PTMA: variants seen among roughly 807,000 people sequenced by gnomAD.
The protein encoded by PTMA is gene sequence 28.
In PTMA, 4 loss-of-function variants were observed where a neutral mutation model predicts 16.9. The observed-to-expected ratio is 0.24, with a 90% confidence interval of 0.12 to 0.54. The LOEUF (loss-of-function observed/expected upper bound fraction) is 0.54, where lower values mean the gene tolerates loss of function less well. Among genes scored for constraint, PTMA ranks in the 20% least tolerant of loss-of-function variants. PTMA has a pLI of 0.95. For missense variants in PTMA, 120 were observed against 137.7 expected (o/e 0.87, Z 0.64); for synonymous variants, 58 against 47.9 (o/e 1.21, Z -0.87).
chr2:231,712,321 GC>G, intron 3 of PTMA, 121 bp from the exon 4 acceptor site: 2 of 1,086,372 alleles, frequency 1.8e-6, no homozygotes, highest in Non-Finnish European at 2.7e-6. Context: ...CCCTGATTGG[GC>G]CCAGTTGCAG....
chr2:231,711,616 G>A (rs1227479323), intron 2 of PTMA, 197 bp downstream of exon 2: 1 of 733,006 alleles, frequency 1.4e-6, no homozygotes, highest in African/African-American at 1.8e-5. Context: ...TTCGAGCAGC[G>A]CCTGAACAAG....
chr2:231,710,524 C>G (rs1164041678), intron 1 of PTMA: 1 of 828,330 alleles, frequency 1.2e-6, no homozygotes, highest in East Asian at 8.1e-5. Flanking sequence ...CGACAGGTGG[C>G]CCGGAGCCGC....
In PTMA at chr2:231,708,601, C is replaced by T. The variant is rs1431125973; in HGVS notation, c.-106C>T. The T allele has an allele frequency of 2.1e-6, 3 of 1,445,910 alleles. No individual in the cohort carries two copies. Among genetic ancestry groups the T allele is most frequent in the South Asian group, 2.3e-5 (2 of 87,312 alleles). The allele number at this position is 1,445,910 out of a possible 1,614,324, so 89.6% of individuals were successfully genotyped here. On this transcript the variant is annotated 5_prime_UTR_variant, in exon 1 of 5. Coordinates refer to ENST00000409115, the MANE Select transcript of PTMA (RefSeq NM_002823.5). ...CCTTGCTCGCCGCAGCCGCCTCCGC[C>T]GCGCGCCTCCTCCGCCGCCGCGGAC...
Position 231,712,400 on chromosome 2 carries a change from G to T in PTMA, c.212-43G>T, listed in dbSNP as rs2048530167. The T allele has an allele frequency of 4.4e-6, 7 of 1,580,332 alleles. 1 individual carries two copies. The South Asian group carries it at 7.8e-5, about 17-fold the overall frequency. On this transcript the variant is annotated intron_variant, in intron 3 of 4. Transcript: ENST00000409115. ...CCTCGGGATTTCCCCAGGAGCCACA[G>T]TAGGAGGGAAGTGTGGTTTACCTGG...
intron 1 of PTMA, among the ~76,000 whole-genome samples, chr2:231,709,056 GGGA>G (rs1009912692): frequency 6.6e-6 from 1 of 152,280 alleles, no homozygotes; most frequent in African/African-American, 2.4e-5. Flanking sequence ...GAGTGGCGGC[GGGA>G]GGAGAAGAGC....
rs2048547848 is a variant in PTMA, at chr2:231,713,548, T to C, written c.*697T>C. 1.1e-4 allele frequency: 44 copies of C among 413,010 alleles called. No homozygotes were observed. Among genetic ancestry groups the C allele is most frequent in the South Asian group, 8.1e-4 (42 of 52,070 alleles). The allele number at this position is 413,010 out of a possible 1,614,324, so 25.6% of individuals were successfully genotyped here. A position where few individuals can be genotyped will look rare whatever the true frequency, so the allele number is the denominator to read the frequency against. The stretch of plus-strand genomic sequence containing the variant: ...GCTGAGTTGTTCTAACAAAGCTGTC[T>C]CAAGCCTGGTTTTTCTGTTTCAGTT... On this transcript the variant is annotated 3_prime_UTR_variant, in exon 5 of 5. Transcript: ENST00000409115.
Position 231,710,331 on chromosome 2 carries a change from A to G in PTMA, c.46-1017A>G. 2.4e-6 allele frequency: 3 copies of G among 1,228,168 alleles called. No homozygotes were observed. The South Asian group carries it at 1.2e-4, about 49-fold the overall frequency. 76.1% of individuals were successfully genotyped at this position (1,228,168 alleles called of 1,614,324 possible). ...GGGACGCACTCGGCGGCCCCGGGCC[A>G]CGTGCTCCCTGCGCGCGGTGCGTGC... On this transcript the variant is annotated intron_variant, in intron 1 of 4. Transcript: ENST00000409115.
chr2:231,712,780 C>T, intron 4 of PTMA, 24 bp from the exon 5 acceptor site: 1 of 1,586,766 alleles, frequency 6.3e-7, no homozygotes, highest in African/African-American at 1.3e-5. Flanking sequence ...TTGGAGGGGC[C>T]TTTGACAGTC....
intron 1 of PTMA, chr2:231,709,823 C>T (rs1224865310): frequency 2.5e-5 from 5 of 199,252 alleles, no homozygotes; most frequent in Non-Finnish European, 1.0e-5. Context: ...CTCGTCCGCG[C>T]CCGTCGTGCC....
intron 1 of PTMA, among the ~76,000 whole-genome samples, chr2:231,709,241 C>T (rs974720609): frequency 2.6e-5 from 4 of 152,186 alleles, no homozygotes; most frequent in Non-Finnish European, 5.9e-5. Context: ...CCGGCGGTTT[C>T]GCGCCCTGCA....
Position 231,712,540 on chromosome 2 carries a change from G to T in PTMA, c.285+24G>T, listed in dbSNP as rs779681700. The T allele has an allele frequency of 3.1e-6, 5 of 1,612,632 alleles. No individual in the cohort carries two copies. The South Asian group carries it at 4.4e-5, about 14-fold the overall frequency. ...AGGTGGGTTCTGGCTTGAGAAGAAGGGGGGTTTGGCATCTGGGTCTCCCCA... is the reference window on the plus strand; with the variant it reads ...AGGTGGGTTCTGGCTTGAGAAGAAGTGGGGTTTGGCATCTGGGTCTCCCCA... On this transcript the variant is annotated intron_variant, in intron 4 of 4. Transcript: ENST00000409115.
intron 2 of PTMA, 87 bp downstream of exon 2, chr2:231,711,506 T>G (rs1290506969): frequency 4.9e-6 from 6 of 1,219,644 alleles, no homozygotes; most frequent in Non-Finnish European, 7.2e-6. Context: ...TATATATGTG[T>G]GTGTATGTGT....
Position 231,713,201 on chromosome 2 carries a change from C to A in PTMA, c.*350C>A, listed in dbSNP as rs1049658179. 1.7e-5 allele frequency: 8 copies of A among 470,202 alleles called. No individual in the cohort carries two copies. The highest frequency in any genetic ancestry group is 3.4e-5 in the Non-Finnish European group (8 of 235,806). 29.1% of individuals were successfully genotyped at this position (470,202 alleles called of 1,614,324 possible). On this transcript the variant is annotated 3_prime_UTR_variant, in exon 5 of 5. Coordinates refer to ENST00000409115, the MANE Select transcript of PTMA (RefSeq NM_002823.5). ...GATCTCGGATGACCAAACCAGCCTTCGGAGCGTTCTCTGTCCTACTTCTGA... is the reference window on the plus strand; with the variant it reads ...GATCTCGGATGACCAAACCAGCCTTAGGAGCGTTCTCTGTCCTACTTCTGA...
chr2:231,708,871 C>T lies in PTMA; in HGVS notation c.45+120C>T, dbSNP rs1013382082. ...TGCTCCCTCTCGCGGGGAAACGGCC[C>T]GCCCCCGGCGCGGTGCCCTCAGGCA... On this transcript the variant is annotated intron_variant, in intron 1 of 4. Transcript: ENST00000409115. 14 of 1,235,528 alleles carry T rather than the reference C, an allele frequency of 1.1e-5. No individual in the cohort carries two copies. In the African/African-American group the frequency reaches 2.2e-4, roughly 19 times the overall value. 76.5% of individuals were successfully genotyped at this position (1,235,528 alleles called of 1,614,324 possible).
At chr2:231,711,486 T>C in intron 2 of PTMA, 67 bp downstream of exon 2, 15 of 1,400,580 alleles carry the variant, frequency 1.1e-5, no homozygotes, top group Non-Finnish European at 1.4e-5. Flanking sequence ...TGTTCTACTT[T>C]AAACATACCT....
At chr2:231,710,514 C>A in intron 1 of PTMA, 1 of 913,608 alleles carries the variant, frequency 1.1e-6, no homozygotes, top group Non-Finnish European at 1.6e-6. Flanking sequence ...CTGAGAGGGC[C>A]GACAGGTGGC....
Position 231,712,437 on chromosome 2 carries a change from C to T in PTMA, c.212-6C>T, listed in dbSNP as rs1468032559. ...TGTGGTTTACCTGGCCTTTGATTCT[C>T]TCCAGGTGAGGAAGAGGATGGAGAT... On this transcript the variant is annotated splice_polypyrimidine_tract_variant and splice_region_variant and intron_variant, in intron 3 of 4. Transcript: ENST00000409115. 6.8e-6 allele frequency: 11 copies of T among 1,613,538 alleles called. 1 individual carries two copies. The highest frequency in any genetic ancestry group is 6.7e-5 in the African/African-American group (5 of 74,886).
chr2:231,712,779 C>T lies in PTMA; in HGVS notation c.286-25C>T, dbSNP rs573759409. The T allele has an allele frequency of 3.2e-6, 5 of 1,586,334 alleles. No homozygotes were observed. In the East Asian group the frequency reaches 1.1e-4, roughly 36 times the overall value. ...GATAGGGCTCCTGGGGTTGGAGGGG[C>T]CTTTGACAGTCTTTCTCTGCTTAGG... On this transcript the variant is annotated intron_variant, in intron 4 of 4. Coordinates refer to ENST00000409115, the MANE Select transcript of PTMA (RefSeq NM_002823.5).
At chr2:231,711,634 TCAGAGGAGA>T (rs1391094576) in intron 2 of PTMA, 14 of 740,216 alleles carry the variant, frequency 1.9e-5, no homozygotes, top group Non-Finnish European at 3.0e-5. Flanking sequence ...AAGAATAGGT[TCAGAGGAGA>T]CTCCGGTAGT....
Sources: allele counts gnomAD v4.1 joint callset (sites outside exome capture counted in the v4.1 genomes callset), GRCh38; gene constraint gnomAD v4.1.1; transcripts MANE v1.5; gene names NCBI Gene and HGNC (gene_info 2026-07-23, HGNC 2026-07-21).